The following NRG3 variants were observed in gnomAD, a reference collection of about 807,000 sequenced individuals.
The protein encoded by NRG3 is neuregulin 3.
In NRG3, 31 loss-of-function variants were observed where a neutral mutation model predicts 66.9. That is an observed-to-expected ratio of 0.46 (90% CI 0.35 to 0.63). The LOEUF (loss-of-function observed/expected upper bound fraction) is 0.63, where lower values mean the gene tolerates loss of function less well. Ranked by LOEUF, NRG3 falls within the 20% of genes least tolerant of loss-of-function variation. The probability of loss-of-function intolerance (pLI) is 0.00; values close to 1 mark genes in which losing one functional copy is unlikely to be tolerated. For synonymous variants in NRG3, 393 were observed against 359.4 expected (o/e 1.09, Z -1.06); for missense variants, 910 against 878.9 (o/e 1.04, Z -0.45).
At chr10:82,034,963 T>C (rs1423239223) in intron 1 of NRG3, among the ~76,000 whole-genome samples, 2 of 152,098 alleles carry the variant, frequency 1.3e-5, no homozygotes, top group Admixed American at 1.3e-4. Flanking sequence ...ACCTGTGTTC[T>C]CTAGAAACCC....
At chr10:82,511,121 G>C (rs1845125534) in intron 2 of NRG3, among the ~76,000 whole-genome samples, 1 of 152,156 alleles carries the variant, frequency 6.6e-6, no homozygotes, top group African/African-American at 2.4e-5. Context: ...TTATGAACAG[G>C]AGAAGACTGG....
intron 2 of NRG3, among the ~76,000 whole-genome samples, chr10:82,462,063 G>A (rs1345595234): frequency 1.3e-5 from 2 of 152,208 alleles, no homozygotes; most frequent in African/African-American, 4.8e-5. Flanking sequence ...CCCGGGAGGC[G>A]GAGGTGGCGG....
chr10:82,608,242 C>T (rs1306602763), intron 2 of NRG3, among the ~76,000 whole-genome samples: 1 of 152,130 alleles, frequency 6.6e-6, no homozygotes, highest in Non-Finnish European at 1.5e-5. Flanking sequence ...TAAATTCTTT[C>T]CTGCACAGCT....
chr10:82,760,754 C>T (rs2059271052), intron 3 of NRG3, among the ~76,000 whole-genome samples: 1 of 151,932 alleles, frequency 6.6e-6, no homozygotes, highest in African/African-American at 2.4e-5. Context: ...GACAGTCTTA[C>T]ATACAGACAA....
At chr10:82,387,624 C>T (rs2086091032) in intron 2 of NRG3, among the ~76,000 whole-genome samples, 1 of 152,168 alleles carries the variant, frequency 6.6e-6, no homozygotes, top group South Asian at 2.1e-4. Flanking sequence ...ATTAGCTGTT[C>T]CTACCAAGTC....
In NRG3 at chr10:82,600,073, T is replaced by A. The variant is rs772964147; in HGVS notation, c.954-138504T>A. 7.7e-4 allele frequency among the ~76,000 whole-genome samples: 117 copies of A among 152,190 alleles called. 1 individual carries two copies. Among genetic ancestry groups the A allele is most frequent in the Non-Finnish European group, 2.1e-4 (14 of 68,032 alleles). ...CATATTTCTGTTTACATGATCTAAT[T>A]GATTGTTAAGCATCTAGTATAAATT... On this transcript the variant is annotated intron_variant, in intron 2 of 8. Transcript: ENST00000372141.
intron 1 of NRG3, chr10:82,230,148 G>A (rs376506268): frequency 4.6e-5 from 7 of 152,210 alleles, no homozygotes; most frequent in African/African-American, 1.4e-4. Context: ...CTTTTGTTTG[G>A]AAGCCCAACA....
At chr10:82,251,628 C>G (rs1045176496) in intron 1 of NRG3, among the ~76,000 whole-genome samples, 4 of 152,134 alleles carry the variant, frequency 2.6e-5, no homozygotes, top group African/African-American at 4.8e-5. Context: ...CAGCAGATAA[C>G]ACTTTGATTT....
At chr10:82,769,954 T>A (rs2059654695) in intron 3 of NRG3, among the ~76,000 whole-genome samples, 1 of 152,112 alleles carries the variant, frequency 6.6e-6, no homozygotes, top group Non-Finnish European at 1.5e-5. Context: ...CCCTCATTTC[T>A]GTAAGGATTG....
intron 1 of NRG3, among the ~76,000 whole-genome samples, chr10:82,002,420 T>TGG (rs987861491): frequency 6.6e-6 from 1 of 152,212 alleles, no homozygotes; most frequent in Non-Finnish European, 1.5e-5. Flanking sequence ...CTGTGGAGTC[T>TGG]GGGAACGTTC....
At chr10:82,601,537 C>A (rs2047626950) in intron 2 of NRG3, among the ~76,000 whole-genome samples, 1 of 152,046 alleles carries the variant, frequency 6.6e-6, no homozygotes, top group African/African-American at 2.4e-5. Flanking sequence ...AAAGTGTTCT[C>A]CAAAAGCTTT....
intron 2 of NRG3, among the ~76,000 whole-genome samples, chr10:82,656,637 A>G (rs367559079): frequency 2.0e-5 from 3 of 152,122 alleles, no homozygotes; most frequent in South Asian, 2.1e-4. Flanking sequence ...CCATTTGCCC[A>G]GGTCTAAGCC....
intron 8 of NRG3, among the ~76,000 whole-genome samples, chr10:82,981,590 G>C (rs944584921): frequency 6.6e-6 from 1 of 152,212 alleles, no homozygotes. Context: ...TACCAAGCAA[G>C]TGGGCGCTGT....
intron 1 of NRG3, among the ~76,000 whole-genome samples, chr10:81,924,870 T>G (rs904821571): frequency 6.6e-6 from 1 of 152,142 alleles, no homozygotes; most frequent in African/African-American, 2.4e-5. Flanking sequence ...TCTGTAGTTC[T>G]TGTGTGTGTT....
intron 2 of NRG3, among the ~76,000 whole-genome samples, chr10:82,393,363 G>A (rs2086514120): frequency 6.6e-6 from 1 of 152,098 alleles, no homozygotes; most frequent in African/African-American, 2.4e-5. Flanking sequence ...ATTTGCATGG[G>A]GTCCAGGAAG....
chr10:81,976,197 A>G (rs1170872100), intron 1 of NRG3, among the ~76,000 whole-genome samples: 2 of 152,206 alleles, frequency 1.3e-5, no homozygotes, highest in East Asian at 1.9e-4. Flanking sequence ...TTTATAACAC[A>G]TACCATTGGT....
chr10:82,531,324 G>C (rs1164780566), intron 2 of NRG3, among the ~76,000 whole-genome samples: 1 of 151,638 alleles, frequency 6.6e-6, no homozygotes, highest in Non-Finnish European at 1.5e-5. Context: ...TAAATTAAAA[G>C]TTGATTAACA....
chr10:82,893,290 A>T (rs1352673586), intron 4 of NRG3, among the ~76,000 whole-genome samples: 1 of 152,240 alleles, frequency 6.6e-6, no homozygotes, highest in African/African-American at 2.4e-5. Context: ...AATTAATAAC[A>T]AAAAGGAAGA....
At chr10:82,568,731 C>T (rs529892359) in intron 2 of NRG3, among the ~76,000 whole-genome samples, 3 of 151,760 alleles carry the variant, frequency 2.0e-5, no homozygotes, top group Admixed American at 6.6e-5. Flanking sequence ...GTTCAAATTA[C>T]GTTTATTGGA....
Sources: gnomAD v4.1 joint callset for allele counts (sites outside exome capture counted in the v4.1 genomes callset) on GRCh38, gnomAD v4.1.1 for gene constraint, MANE v1.5 for transcripts, NCBI Gene and HGNC (gene_info 2026-07-23, HGNC 2026-07-21) for gene names.